EXOC4: variants seen among roughly 807,000 people sequenced by gnomAD.
EXOC4 encodes the protein SEC8-like 1.
A neutral mutation model predicts 107.2 loss-of-function variants in EXOC4; 71 were observed. That is an observed-to-expected ratio of 0.66 (90% CI 0.55 to 0.81). The LOEUF (loss-of-function observed/expected upper bound fraction) is 0.81, where lower values mean the gene tolerates loss of function less well. Ranked by LOEUF, EXOC4 falls within the 30% of genes least tolerant of loss-of-function variation. The probability of loss-of-function intolerance (pLI) is 0.00; values close to 1 mark genes in which losing one functional copy is unlikely to be tolerated. For synonymous variants in EXOC4, 456 were observed against 441.2 expected, an observed-to-expected ratio of 1.03 and a Z score of -0.42; for missense variants, 1,108 against 1,189.6, an observed-to-expected ratio of 0.93 and a Z score of 1.01.
intron 10 of EXOC4, among the ~76,000 whole-genome samples, chr7:133,801,098 C>T (rs1281028946): frequency 6.6e-6 from 1 of 152,180 alleles, no homozygotes; most frequent in Non-Finnish European, 1.5e-5. Context: ...TTGTTAGTAT[C>T]TCATTCTGTC....
At chr7:133,257,840 C>T (rs1472676057) in intron 1 of EXOC4, among the ~76,000 whole-genome samples, 4 of 152,206 alleles carry the variant, frequency 2.6e-5, no homozygotes, top group African/African-American at 9.7e-5. Context: ...AAATTCCCTT[C>T]CTCCTTGGAG....
At chr7:133,859,985 C>T (rs1186174995) in intron 11 of EXOC4, among the ~76,000 whole-genome samples, 3 of 152,126 alleles carry the variant, frequency 2.0e-5, no homozygotes, top group Non-Finnish European at 2.9e-5. Context: ...AACTCCAACC[C>T]GTAGAACATC....
intron 10 of EXOC4, among the ~76,000 whole-genome samples, chr7:133,740,717 T>C (rs1795545807): frequency 6.6e-6 from 1 of 152,156 alleles, no homozygotes; most frequent in Non-Finnish European, 1.5e-5. Context: ...CCTTTCTCAC[T>C]CCCCCTTATA....
intron 10 of EXOC4, chr7:133,727,267 C>A: frequency 6.5e-6 from 1 of 153,366 alleles, no homozygotes. Context: ...GAAATAAGAC[C>A]AGCCACTTAT....
intron 12 of EXOC4, among the ~76,000 whole-genome samples, chr7:133,907,417 T>G (rs1218409374): frequency 2.0e-5 from 3 of 152,208 alleles, no homozygotes; most frequent in Non-Finnish European, 4.4e-5. Flanking sequence ...ACATCAAGGT[T>G]ATTTGGGGAA....
intron 7 of EXOC4, among the ~76,000 whole-genome samples, chr7:133,434,154 G>A (rs1244104226): frequency 2.0e-5 from 3 of 152,086 alleles, no homozygotes; most frequent in Admixed American, 1.3e-4. Flanking sequence ...TACTGTGTAG[G>A]TTCATTTGCA....
intron 9 of EXOC4, among the ~76,000 whole-genome samples, chr7:133,614,750 G>A (rs565266692): frequency 8.6e-6 from 1 of 116,592 alleles, no homozygotes; most frequent in Admixed American, 1.2e-4. Flanking sequence ...ATTTACAAGA[G>A]AGCCGATCAA....
At chr7:133,277,652 G>A (rs994952405) in intron 2 of EXOC4, among the ~76,000 whole-genome samples, 42 of 152,258 alleles carry the variant, frequency 2.8e-4, no homozygotes, top group Middle Eastern at 3.4e-3. Context: ...TAATTGTCAC[G>A]AAAGTAAATG....
At chr7:133,394,894 A>G (rs572591406) in intron 7 of EXOC4, among the ~76,000 whole-genome samples, 2 of 151,154 alleles carry the variant, frequency 1.3e-5, no homozygotes, top group South Asian at 4.2e-4. Flanking sequence ...AGCAACATTA[A>G]AAAGGGGAAA....
intron 9 of EXOC4, among the ~76,000 whole-genome samples, chr7:133,518,641 G>A (rs1337721212): frequency 2.0e-5 from 3 of 152,112 alleles, no homozygotes; most frequent in African/African-American, 7.2e-5. Flanking sequence ...TGTATACATA[G>A]CATAGAATGT....
intron 14 of EXOC4, among the ~76,000 whole-genome samples, chr7:133,994,757 T>TG (rs1794347502): frequency 1.1e-4 from 17 of 148,490 alleles, no homozygotes; most frequent in South Asian, 2.2e-4. Flanking sequence ...GTACAAGGTT[T>TG]TGTGTGTGTG....
chr7:133,288,916 T>A lies in EXOC4; in HGVS notation c.277-6T>A. 6.2e-7 allele frequency: 1 copy of A among 1,613,706 alleles called. No individual in the cohort carries two copies. The highest frequency in any genetic ancestry group is 1.3e-5 in the African/African-American group (1 of 75,054). ...CTGACCCAAGACCGAATCTGTTTTA[T>A]TGTAGGTAAAAGAGAACCTGCTTTC... is the stretch of plus-strand genomic sequence containing the variant. On this transcript the variant is annotated splice_region_variant and splice_polypyrimidine_tract_variant and intron_variant, in intron 2 of 17. Coordinates refer to ENST00000253861, the MANE Select transcript of EXOC4 (RefSeq NM_021807.4).
At chr7:133,439,596 A>G (rs762332092) in intron 7 of EXOC4, among the ~76,000 whole-genome samples, 3 of 152,198 alleles carry the variant, frequency 2.0e-5, no homozygotes, top group Non-Finnish European at 2.9e-5. Flanking sequence ...GTACGTATTT[A>G]TGTGTGAGTG....
intron 11 of EXOC4, among the ~76,000 whole-genome samples, chr7:133,859,486 C>T (rs929219088): frequency 6.6e-6 from 1 of 152,114 alleles, no homozygotes; most frequent in African/African-American, 2.4e-5. Flanking sequence ...ACTGCTGCAG[C>T]GCCTGGCTTT....
chr7:133,581,484 C>A (rs981105853), intron 9 of EXOC4, among the ~76,000 whole-genome samples: 3 of 151,952 alleles, frequency 2.0e-5, no homozygotes, highest in African/African-American at 7.2e-5. Flanking sequence ...TGAGGCCGGG[C>A]GCGGTGGCTC....
At chr7:133,421,830 G>T (rs1437352784) in intron 7 of EXOC4, among the ~76,000 whole-genome samples, 1 of 151,904 alleles carries the variant, frequency 6.6e-6, no homozygotes, top group African/African-American at 2.4e-5. Context: ...GTTTTTAAAG[G>T]CCAATTATAT....
chr7:133,664,336 A>G (rs1179857583), intron 10 of EXOC4, among the ~76,000 whole-genome samples: 6 of 152,156 alleles, frequency 3.9e-5, no homozygotes, highest in Non-Finnish European at 8.8e-5. Context: ...TTCCTGACAT[A>G]CAGTAGGCCC....
chr7:133,955,622 T>G (rs1746653301), intron 14 of EXOC4, among the ~76,000 whole-genome samples: 1 of 152,154 alleles, frequency 6.6e-6, no homozygotes, highest in Non-Finnish European at 1.5e-5. Flanking sequence ...AAGGTGGGGC[T>G]TCACCGGGGA....
intron 10 of EXOC4, among the ~76,000 whole-genome samples, chr7:133,809,141 C>T (rs1268062506): frequency 6.6e-6 from 1 of 152,126 alleles, no homozygotes; most frequent in Non-Finnish European, 1.5e-5. Context: ...TGTTTGCATT[C>T]TTTACATAAA....
Sources: allele counts gnomAD v4.1 joint callset (sites outside exome capture counted in the v4.1 genomes callset), GRCh38; gene constraint gnomAD v4.1.1; transcripts MANE v1.5; gene names NCBI Gene and HGNC (gene_info 2026-07-23, HGNC 2026-07-21).